Variants in ZNF821 observed in about 807,000 individuals in gnomAD.
ZNF821 encodes zinc finger protein 821.
In ZNF821, 16 loss-of-function variants were observed where a neutral mutation model predicts 44.3. The observed-to-expected ratio is 0.36, with a 90% confidence interval of 0.24 to 0.55. ZNF821 has a LOEUF of 0.55. Ranked by LOEUF, ZNF821 falls within the 20% of genes least tolerant of loss-of-function variation. ZNF821 has a pLI of 0.86. For synonymous variants in ZNF821, 204 were observed against 197.6 expected, an observed-to-expected ratio of 1.03 and a Z score of -0.27; for missense variants, 436 against 547.6, an observed-to-expected ratio of 0.80 and a Z score of 2.03.
chr16:71,864,194 G>A lies in ZNF821; in HGVS notation c.361C>T (p.Pro121Ser). 6.2e-7 allele frequency: 1 copy of A among 1,614,212 alleles called. No homozygotes were observed. Among genetic ancestry groups the A allele is most frequent in the Non-Finnish European group, 8.5e-7 (1 of 1,180,034 alleles). Residue 121 changes from proline (P) to serine (S), a missense_variant, in exon 6 of 8, where the codon CCC becomes TCC. Coordinates refer to ENST00000425432, the MANE Select transcript of ZNF821 (RefSeq NM_001201552.2). Reference sequence around the variant, plus strand: ...CTCCCGCAGTCTAGCTGGCAGAGGGGACACTGGCAGAGTTCAAGCAAGGGG... The same window carrying A: ...CTCCCGCAGTCTAGCTGGCAGAGGGAACACTGGCAGAGTTCAAGCAAGGGG... ...SDPLLELCQC[P>S]LCQLDCGSRE...
intron 3 of ZNF821, among the ~76,000 whole-genome samples, chr16:71,878,739 C>T (rs1380654361): frequency 3.3e-5 from 5 of 151,836 alleles, no homozygotes; most frequent in South Asian, 4.2e-4. Flanking sequence ...AGGCCAGCCT[C>T]GCCAACATGG....
At chr16:71,863,034 T>C (rs922828916) in intron 6 of ZNF821, among the ~76,000 whole-genome samples, 4 of 152,058 alleles carry the variant, frequency 2.6e-5, no homozygotes, top group African/African-American at 9.7e-5. Context: ...GCTGGGATTA[T>C]AGGCGTGCGC....
chr16:71,864,860 T>C (rs1321713716), intron 5 of ZNF821, 43 bp downstream of exon 5: 1 of 1,611,076 alleles, frequency 6.2e-7, no homozygotes, highest in Non-Finnish European at 8.5e-7. Context: ...GGCAGAAGGG[T>C]AGGGCATTGC....
At chr16:71,870,486 C>CTTTTTT (rs5817794) in intron 3 of ZNF821, among the ~76,000 whole-genome samples, 1 of 136,638 alleles carries the variant, frequency 7.3e-6, no homozygotes, top group Non-Finnish European at 1.6e-5. Context: ...TGGTACTTTC[C>CTTTTTT]TTTTTTTTTT....
At chr16:71,880,204 G>T (rs2288030) in intron 2 of ZNF821, 181 bp from the exon 3 acceptor site, 29 of 383,556 alleles carry the variant, frequency 7.6e-5, no homozygotes, top group African/African-American at 5.2e-4. Context: ...CAAGGTCCCA[G>T]AAAGTTTAAG....
chr16:71,892,922 GGTTT>G (rs1465844854), intron 1 of ZNF821, among the ~76,000 whole-genome samples: 1 of 149,284 alleles, frequency 6.7e-6, no homozygotes, highest in African/African-American at 2.5e-5. Flanking sequence ...GTAGACACAG[GGTTT>G]CACCATGTTG....
At chr16:71,885,982 G>C (rs1451597499), upstream of ZNF821, among the ~76,000 whole-genome samples, 1 of 152,154 alleles carries the variant, frequency 6.6e-6, no homozygotes, top group African/African-American at 2.4e-5. Context: ...ATACAAGTAT[G>C]GCTTTATTAT....
intron 4 of ZNF821, among the ~76,000 whole-genome samples, chr16:71,865,592 T>G (rs1260887427): frequency 6.6e-6 from 1 of 152,258 alleles, no homozygotes; most frequent in East Asian, 1.9e-4. Context: ...TAAATGAGTT[T>G]GAAATGATGT....
chr16:71,885,913 C>A (rs528125334), upstream of ZNF821, among the ~76,000 whole-genome samples: 3 of 152,280 alleles, frequency 2.0e-5, no homozygotes, highest in African/African-American at 7.2e-5. Context: ...AGAATACAAC[C>A]TAGAATACAC....
At chr16:71,867,107 G>A (rs2034630039) in intron 4 of ZNF821, among the ~76,000 whole-genome samples, 1 of 152,158 alleles carries the variant, frequency 6.6e-6, no homozygotes, top group Non-Finnish European at 1.5e-5. Context: ...AATTGGTATG[G>A]GAAGACCTTG....
intron 4 of ZNF821, among the ~76,000 whole-genome samples, chr16:71,866,341 T>A (rs1266825777): frequency 1.3e-5 from 2 of 152,202 alleles, no homozygotes; most frequent in Admixed American, 6.5e-5. Context: ...CATCTGCTAG[T>A]AGTTACATGT....
chr16:71,878,335 C>T (rs187415444), intron 3 of ZNF821, among the ~76,000 whole-genome samples: 17 of 151,826 alleles, frequency 1.1e-4, no homozygotes, highest in African/African-American at 4.1e-4. Context: ...AGACTGGTCT[C>T]CAACTCCTTA....
chr16:71,878,368 C>T (rs1007382815), intron 3 of ZNF821, among the ~76,000 whole-genome samples: 8 of 151,866 alleles, frequency 5.3e-5, no homozygotes, highest in African/African-American at 9.7e-5. Context: ...TGGCCCACCT[C>T]GGCCTCCCAA....
chr16:71,886,573 G>T (rs554820948), upstream of ZNF821, among the ~76,000 whole-genome samples: 2 of 151,884 alleles, frequency 1.3e-5, no homozygotes, highest in Non-Finnish European at 2.9e-5. Flanking sequence ...TTTTATATTT[G>T]TTGGCTTCTA....
At chr16:71,871,852 CAG>C (rs2035232316) in intron 3 of ZNF821, among the ~76,000 whole-genome samples, 3 of 141,190 alleles carry the variant, frequency 2.1e-5, no homozygotes, top group East Asian at 2.1e-4. Context: ...TTTTTTGAAA[CAG>C]AGTTTTTCGC....
At chr16:71,862,093 T>C in intron 6 of ZNF821, 151 bp from the exon 7 acceptor site, 1 of 888,360 alleles carries the variant, frequency 1.1e-6, no homozygotes, top group East Asian at 2.7e-5. Flanking sequence ...AAAGTCAGTC[T>C]CTTACATTAG....
At chr16:71,862,344 A>G (rs900798868) in intron 6 of ZNF821, among the ~76,000 whole-genome samples, 1 of 152,220 alleles carries the variant, frequency 6.6e-6, no homozygotes, top group African/African-American at 2.4e-5. Flanking sequence ...GTGTGGGGGC[A>G]GGTGCCTGTA....
At chr16:71,865,958 T>C (rs2034492419) in intron 4 of ZNF821, among the ~76,000 whole-genome samples, 1 of 152,098 alleles carries the variant, frequency 6.6e-6, no homozygotes, top group Admixed American at 6.5e-5. Context: ...CTATTACTTA[T>C]AAAATAGAAA....
intron 2 of ZNF821, chr16:71,883,009 G>C: frequency 2.3e-6 from 1 of 429,984 alleles, no homozygotes; most frequent in South Asian, 1.6e-5. Flanking sequence ...CAGGTCTAAA[G>C]GGATTCCATT....
Sources: gnomAD v4.1 joint callset for allele counts (sites outside exome capture counted in the v4.1 genomes callset) on GRCh38, gnomAD v4.1.1 for gene constraint, MANE v1.5 for transcripts, NCBI Gene and HGNC (gene_info 2026-07-23, HGNC 2026-07-21) for gene names.